Variants in NKAIN3 observed in about 807,000 individuals in gnomAD.
NKAIN3 encodes sodium/potassium-transporting ATPase subunit beta-1-interacting protein 3.
A neutral mutation model predicts 30.2 loss-of-function variants in NKAIN3; 25 were observed. The observed-to-expected ratio is 0.83, with a 90% CI of 0.60 to 1.16. The LOEUF is 1.16. NKAIN3 is among the 50% of genes most tolerant of loss of function. The pLI is 0.00. For missense variants in NKAIN3, 225 were observed against 254.1 expected (o/e 0.89, Z 0.78); for synonymous variants, 91 against 89.6 (o/e 1.02, Z -0.09).
At chr8:62,470,795 T>A (rs553082781) in intron 1 of NKAIN3, among the ~76,000 whole-genome samples, 2 of 152,240 alleles carry the variant, frequency 1.3e-5, no homozygotes, top group South Asian at 4.1e-4. Flanking sequence ...ACAAAAAATA[T>A]TATTTTATAT....
At chr8:62,418,234 C>T (rs1380696949) in intron 1 of NKAIN3, among the ~76,000 whole-genome samples, 1 of 152,056 alleles carries the variant, frequency 6.6e-6, no homozygotes, top group Non-Finnish European at 1.5e-5. Context: ...AATCATAGAG[C>T]TATCATAAGA....
At chr8:62,707,619 A>G (rs905065973) in intron 3 of NKAIN3, among the ~76,000 whole-genome samples, 24 of 151,738 alleles carry the variant, frequency 1.6e-4, no homozygotes, top group African/African-American at 5.6e-4. Context: ...TAGATTCTGG[A>G]TGTTGGTCCT....
At chr8:62,893,258 T>C (rs1821343086) in intron 4 of NKAIN3, among the ~76,000 whole-genome samples, 1 of 152,140 alleles carries the variant, frequency 6.6e-6, no homozygotes, top group Non-Finnish European at 1.5e-5. Flanking sequence ...AATGGCTCAG[T>C]GGCCTGCAAA....
chr8:62,302,864 T>A (rs1814098334), intron 1 of NKAIN3, among the ~76,000 whole-genome samples: 1 of 142,222 alleles, frequency 7.0e-6, no homozygotes, highest in African/African-American at 3.1e-5. Context: ...TGTTTTCTCA[T>A]GCTCCCTGGG....
chr8:62,683,575 C>T (rs1563514914), intron 3 of NKAIN3, among the ~76,000 whole-genome samples: 1 of 152,174 alleles, frequency 6.6e-6, no homozygotes, highest in Non-Finnish European at 1.5e-5. Flanking sequence ...CCCCAAAGTA[C>T]TCTGTTGAAT....
At chr8:62,627,205 T>A (rs1169156200) in intron 3 of NKAIN3, among the ~76,000 whole-genome samples, 2 of 152,170 alleles carry the variant, frequency 1.3e-5, no homozygotes, top group African/African-American at 2.4e-5. Context: ...ATTTTTCTAT[T>A]TGAGAAATAC....
chr8:62,862,743 G>A (rs1458573065), intron 4 of NKAIN3, among the ~76,000 whole-genome samples: 1 of 152,068 alleles, frequency 6.6e-6, no homozygotes, highest in Non-Finnish European at 1.5e-5. Flanking sequence ...TGAAGAAATG[G>A]AAAGAATGAA....
chr8:62,771,501 C>A (rs923177908), intron 4 of NKAIN3, among the ~76,000 whole-genome samples: 2 of 151,696 alleles, frequency 1.3e-5, no homozygotes, highest in Non-Finnish European at 2.9e-5. Context: ...AATTAAAGAA[C>A]AAATAAAAGA....
At chr8:62,509,696 C>T (rs182314324) in intron 1 of NKAIN3, among the ~76,000 whole-genome samples, 3 of 152,254 alleles carry the variant, frequency 2.0e-5, no homozygotes, top group East Asian at 1.9e-4. Context: ...CCTCTGACTT[C>T]GGTTCTTCTA....
chr8:62,346,294 A>C (rs1298163890), intron 1 of NKAIN3, among the ~76,000 whole-genome samples: 1 of 152,114 alleles, frequency 6.6e-6, no homozygotes, highest in Non-Finnish European at 1.5e-5. Flanking sequence ...TGAACATTTT[A>C]CTGTGTATTC....
chr8:62,344,525 G>C (rs796895554), intron 1 of NKAIN3, among the ~76,000 whole-genome samples: 9 of 152,080 alleles, frequency 5.9e-5, no homozygotes, highest in African/African-American at 2.2e-4. Flanking sequence ...GTATTCAATA[G>C]AAAATGGTAC....
At chr8:62,627,244 A>C (rs1375028003) in intron 3 of NKAIN3, among the ~76,000 whole-genome samples, 1 of 152,156 alleles carries the variant, frequency 6.6e-6, no homozygotes, top group Non-Finnish European at 1.5e-5. Flanking sequence ...AAGTAAATGT[A>C]TTTAAATGTC....
chr8:62,528,580 C>G (rs1808390713), intron 1 of NKAIN3, among the ~76,000 whole-genome samples: 1 of 151,708 alleles, frequency 6.6e-6, no homozygotes, highest in East Asian at 1.9e-4. Flanking sequence ...GCTCATAGCT[C>G]TTAGAGCTAT....
At chr8:62,415,112 T>C (rs1804389937) in intron 1 of NKAIN3, among the ~76,000 whole-genome samples, 1 of 123,502 alleles carries the variant, frequency 8.1e-6, no homozygotes, top group Admixed American at 1.0e-4. Context: ...ATATATATTA[T>C]GTATAATATA....
Position 62,589,824 on chromosome 8 carries a change from T to G in NKAIN3, c.273+30T>G, listed in dbSNP as rs747172665. 9.5e-6 allele frequency: 11 copies of G among 1,154,094 alleles called. No homozygotes were observed. The South Asian group carries it at 1.3e-4, about 13-fold the overall frequency. 71.5% of individuals were successfully genotyped at this position (1,154,094 alleles called of 1,614,324 possible). A position where few individuals can be genotyped will look rare whatever the true frequency, so the allele number is the denominator to read the frequency against. The stretch of plus-strand genomic sequence containing the variant: ...GTTTATCATGCTTTTAAAGTACACT[T>G]TAAAATGAGTACACTTCTAAGTATT... On this transcript the variant is annotated intron_variant, in intron 3 of 6. Transcript: ENST00000623646.
At chr8:62,330,609 C>G (rs1216767606) in intron 1 of NKAIN3, among the ~76,000 whole-genome samples, 1 of 152,046 alleles carries the variant, frequency 6.6e-6, no homozygotes, top group African/African-American at 2.4e-5. Context: ...CTCAGTCGCT[C>G]CAGATGGCAA....
chr8:62,475,512 T>C (rs187927511), intron 1 of NKAIN3, among the ~76,000 whole-genome samples: 6 of 152,296 alleles, frequency 3.9e-5, no homozygotes, highest in East Asian at 3.9e-4. Context: ...AAGAGTATGA[T>C]TCAGTGATTT....
intron 1 of NKAIN3, among the ~76,000 whole-genome samples, chr8:62,295,422 C>G (rs1468342989): frequency 6.6e-6 from 1 of 152,172 alleles, no homozygotes; most frequent in Non-Finnish European, 1.5e-5. Context: ...CATGCAACAA[C>G]TTGGAGTTTG....
At chr8:62,479,999 G>A (rs955422805) in intron 1 of NKAIN3, among the ~76,000 whole-genome samples, 1 of 152,130 alleles carries the variant, frequency 6.6e-6, no homozygotes, top group African/African-American at 2.4e-5. Flanking sequence ...AATCAAAGAT[G>A]TTTTTAAAGG....
Sources: allele counts gnomAD v4.1 joint callset (sites outside exome capture counted in the v4.1 genomes callset), GRCh38; gene constraint gnomAD v4.1.1; transcripts MANE v1.5; gene names NCBI Gene and HGNC (gene_info 2026-07-23, HGNC 2026-07-21).